The following GLE1 variants were observed in gnomAD, a reference collection of about 807,000 sequenced individuals.
GLE1 encodes mRNA export factor GLE1.
Under a neutral mutation model 97.3 loss-of-function variants are expected in GLE1, and 78 were observed. The ratio of observed to expected loss-of-function variants is 0.80; its 90% CI spans 0.67 to 0.97. GLE1 has a LOEUF of 0.97. Among genes scored for constraint, GLE1 ranks in the 50% least tolerant of loss-of-function variants. GLE1 has a pLI of 0.00. For synonymous variants in GLE1, 302 were observed against 313.4 expected, an observed-to-expected ratio of 0.96 and a Z score of 0.39; for missense variants, 753 against 857.5, an observed-to-expected ratio of 0.88 and a Z score of 1.52.
At chr9:128,535,444 C>T (rs924953018) in intron 11 of GLE1, among the ~76,000 whole-genome samples, 3 of 151,318 alleles carry the variant, frequency 2.0e-5, no homozygotes, top group Non-Finnish European at 4.4e-5. Context: ...ATCGCTTGTA[C>T]CCAGGAGGTG....
chr9:128,535,571 A>G (rs888465706), intron 11 of GLE1, among the ~76,000 whole-genome samples: 80 of 149,166 alleles, frequency 5.4e-4, no homozygotes, highest in Non-Finnish European at 7.7e-4. Flanking sequence ...TTGTAATCCC[A>G]GCACTTTGTG....
At chr9:128,540,640 T>TA (rs1847859098) in intron 15 of GLE1, 1 of 409,044 alleles carries the variant, frequency 2.4e-6, no homozygotes, top group African/African-American at 2.0e-5. Flanking sequence ...GTTATTTTCT[T>TA]AGTCTCAGGT....
Position 128,510,902 on chromosome 9 carries a change from T to A in GLE1, c.321+1805T>A, listed in dbSNP as rs570475731. 4.6e-5 allele frequency among the ~76,000 whole-genome samples: 7 copies of A among 151,280 alleles called. No individual in the cohort carries two copies. The South Asian group carries it at 1.5e-3, about 32-fold the overall frequency. On this transcript the variant is annotated intron_variant, in intron 2 of 15. Transcript: ENST00000309971. ...TCTAGTAGTTCATCTTTTAAAATAT[T>A]AGTCTTTAAAAAATATTCTTTGTGG...
At chr9:128,528,003 C>CTT (rs754132202) in intron 9 of GLE1, among the ~76,000 whole-genome samples, 4,324 of 111,400 alleles carry the variant, frequency 0.039, 209 homozygotes, top group East Asian at 0.13. Context: ...TTCTTTTTTT[C>CTT]TTTTTTTTTT....
chr9:128,528,077 G>A (rs1847360947), intron 9 of GLE1, among the ~76,000 whole-genome samples: 2 of 137,366 alleles, frequency 1.5e-5, no homozygotes, highest in Non-Finnish European at 3.0e-5. Context: ...TCGGCTCACC[G>A]CAAGCTCCGC....
chr9:128,507,651 G>GCTGA (rs1293314729), intron 1 of GLE1, among the ~76,000 whole-genome samples: 3 of 152,012 alleles, frequency 2.0e-5, no homozygotes, highest in African/African-American at 7.3e-5. Context: ...ACTTTGGGAG[G>GCTGA]CTGAGGTGGG....
In GLE1 at chr9:128,523,753, C is replaced by T; in HGVS notation, c.804C>T (p.His268=). 1 of 1,614,038 alleles carries T rather than the reference C, an allele frequency of 6.2e-7. No homozygotes were observed. Among genetic ancestry groups the T allele is most frequent in the East Asian group, 2.2e-5 (1 of 44,848 alleles). ...AGCAGCTGGATGCCTCTGAGCAGCA[C>T]AAAGCCCTGCTTAAGGTCGACCTGG... ...LSQQLDASEQ[H]KALLKVDLAA... The change falls in exon 6 of 16, where the codon CAC becomes CAT. Residue 268 remains histidine, a synonymous_variant. Transcript: ENST00000309971.
chr9:128,535,847 G>A (rs1273423223), intron 11 of GLE1, among the ~76,000 whole-genome samples: 4 of 151,476 alleles, frequency 2.6e-5, no homozygotes, highest in Non-Finnish European at 5.9e-5. Context: ...ATGGTGGCAT[G>A]TGCCTGTGGT....
At position 128,524,723 on chromosome 9, in the gene GLE1, C is replaced by A. The variant is rs1847253794; in HGVS notation, c.898-469C>A. Among the ~76,000 whole-genome samples, 6 of 151,328 alleles carry A rather than the reference C, an allele frequency of 4.0e-5. No individual in the cohort carries two copies. In the South Asian group the frequency reaches 1.2e-3, roughly 32 times the overall value. Reference sequence around the variant, plus strand: ...TTCAGCCAACATGGTGAAACCCAGTCTCTACTAAAAATACAAAAATTAGCT... The same window carrying A: ...TTCAGCCAACATGGTGAAACCCAGTATCTACTAAAAATACAAAAATTAGCT... On this transcript the variant is annotated intron_variant, in intron 6 of 15. Transcript: ENST00000309971.
chr9:128,526,271 C>T (rs908778087), intron 7 of GLE1, among the ~76,000 whole-genome samples: 4 of 151,966 alleles, frequency 2.6e-5, no homozygotes, highest in Non-Finnish European at 2.9e-5. Context: ...CCACCCGCCT[C>T]GGCCTCCCAA....
chr9:128,512,105 C>T (rs1040105053), intron 2 of GLE1, among the ~76,000 whole-genome samples: 6 of 151,810 alleles, frequency 4.0e-5, no homozygotes, highest in South Asian at 2.1e-4. Context: ...CCACCAGGCC[C>T]GGCCTGGGTG....
intron 3 of GLE1, among the ~76,000 whole-genome samples, chr9:128,518,968 GACATTT>G (rs1339339300): frequency 6.6e-6 from 1 of 151,956 alleles, no homozygotes. Flanking sequence ...AGATTTCATG[GACATTT>G]ATTAGTTCCC....
intron 3 of GLE1, among the ~76,000 whole-genome samples, chr9:128,520,451 A>T (rs115988313): frequency 0.015 from 2,244 of 145,134 alleles, 48 homozygotes; most frequent in African/African-American, 0.052. Context: ...TATATATATA[A>T]AAAATACAAT....
chr9:128,532,633 GTCCTCTCTACATC>G, intron 9 of GLE1: 1 of 803,856 alleles, frequency 1.2e-6, no homozygotes, highest in Non-Finnish European at 1.5e-6. Context: ...CATCTCATCT[GTCCTCTCTACATC>G]TCCATTCTTA....
intron 4 of GLE1, 82 bp downstream of exon 4, chr9:128,522,898 G>A: frequency 6.7e-7 from 1 of 1,492,802 alleles, no homozygotes; most frequent in Non-Finnish European, 9.3e-7. Flanking sequence ...AAGGGAAAGA[G>A]TTGAACAACT....
chr9:128,523,861 A>G lies in GLE1; in HGVS notation c.897+15A>G. 1 of 1,613,726 alleles carries G rather than the reference A, an allele frequency of 6.2e-7. No individual in the cohort carries two copies. The highest frequency in any genetic ancestry group is 8.5e-7 in the Non-Finnish European group (1 of 1,179,830). ...CCTCTTCAGAGGTGAGGGGGGCTTC[A>G]GAGTGACTCTTTGCTGTCTTTGAAA... On this transcript the variant is annotated intron_variant, in intron 6 of 15. Transcript: ENST00000309971.
rs142149562 is a variant in GLE1 at position 128,512,514 on chromosome 9, T to C, written c.322-3015T>C. 4.1e-3 allele frequency among the ~76,000 whole-genome samples: 625 copies of C among 152,288 alleles called. 4 individuals carry two copies. The highest frequency in any genetic ancestry group is 6.9e-3 in the Non-Finnish European group (472 of 68,020). On this transcript the variant is annotated intron_variant, in intron 2 of 15. Transcript: ENST00000309971. The stretch of plus-strand genomic sequence containing the variant: ...TCTGTGAACATTAATTATTTAAAAA[T>C]TAAAATTTTTAAAAAGTATTTTTAT...
At chr9:128,522,467 C>A (rs960102415) in intron 3 of GLE1, among the ~76,000 whole-genome samples, 1 of 151,876 alleles carries the variant, frequency 6.6e-6, no homozygotes, top group Non-Finnish European at 1.5e-5. Context: ...CCATCCTGGC[C>A]AACATGGTGA....
At chr9:128,521,152 TTTC>T in intron 3 of GLE1, among the ~76,000 whole-genome samples, 1 of 152,276 alleles carries the variant, frequency 6.6e-6, no homozygotes, top group South Asian at 2.1e-4. Flanking sequence ...ATGTCTTTTT[TTTC>T]TTTCCAATTC....
Sources: allele counts gnomAD v4.1 joint callset (sites outside exome capture counted in the v4.1 genomes callset), GRCh38; gene constraint gnomAD v4.1.1; transcripts MANE v1.5; gene names NCBI Gene and HGNC (gene_info 2026-07-23, HGNC 2026-07-21).